Variants in HEATR1 observed in about 807,000 individuals in gnomAD.
HEATR1 encodes HEAT repeat containing 1, also known as HEAT repeat-containing protein 1.
HEATR1 carries 77 observed loss-of-function variants against 248.2 expected under a neutral mutation model. The observed-to-expected ratio is 0.31, with a 90% CI of 0.26 to 0.37. The LOEUF (loss-of-function observed/expected upper bound fraction) is 0.37. Ranked by LOEUF, HEATR1 falls within the 10% of genes least tolerant of loss-of-function variation. The probability of loss-of-function intolerance (pLI) is 1.00; values close to 1 mark genes in which losing one functional copy is unlikely to be tolerated. For missense variants in HEATR1, 2,420 were observed against 2,504.9 expected, an observed-to-expected ratio of 0.97 and a Z score of 0.72; for synonymous variants, 897 against 923.1, an observed-to-expected ratio of 0.97 and a Z score of 0.51.
At chr1:236,587,297 G>T (rs1320471337) in intron 14 of HEATR1, 105 bp downstream of exon 14, 1 of 453,916 alleles carries the variant, frequency 2.2e-6, no homozygotes, top group Non-Finnish European at 4.0e-6. Flanking sequence ...ACGACAAAAG[G>T]GTCATGTAAT....
chr1:236,552,316 G>A (rs1439982174), intron 43 of HEATR1: 2 of 368,802 alleles, frequency 5.4e-6, no homozygotes, highest in East Asian at 4.2e-5. Flanking sequence ...TATAAATAGT[G>A]TTTTCCAAAC....
At chr1:236,579,382 A>G (rs1572043896) in intron 20 of HEATR1, among the ~76,000 whole-genome samples, 1 of 152,286 alleles carries the variant, frequency 6.6e-6, no homozygotes, top group East Asian at 1.9e-4. Flanking sequence ...TCAAAATGAC[A>G]TATATGACTC....
chr1:236,598,850 C>T (rs911971265), intron 4 of HEATR1, among the ~76,000 whole-genome samples: 1 of 152,132 alleles, frequency 6.6e-6, no homozygotes, highest in African/African-American at 2.4e-5. Context: ...TAACAACATA[C>T]ATCTACTTTC....
intron 2 of HEATR1, among the ~76,000 whole-genome samples, 189 bp downstream of exon 2, chr1:236,603,765 C>A (rs997084825): frequency 6.6e-6 from 1 of 151,852 alleles, no homozygotes; most frequent in African/African-American, 2.4e-5. Flanking sequence ...GATACCTCTA[C>A]TCATAAACAT....
At chr1:236,603,568 G>A (rs17585446) in intron 2 of HEATR1, among the ~76,000 whole-genome samples, 192 bp from the exon 3 acceptor site, 4,311 of 149,386 alleles carry the variant, frequency 0.029, 79 homozygotes, top group Middle Eastern at 0.077. Flanking sequence ...TACTAGAACA[G>A]AAAGTACTTC....
intron 5 of HEATR1, 115 bp from the exon 6 acceptor site, chr1:236,597,091 C>T: frequency 2.5e-6 from 2 of 797,086 alleles, no homozygotes; most frequent in Non-Finnish European, 3.7e-6. Flanking sequence ...CACCACTGTA[C>T]TCTAGCCTGG....
intron 20 of HEATR1, among the ~76,000 whole-genome samples, chr1:236,580,964 C>CA (rs1248534596): frequency 2.0e-5 from 3 of 151,504 alleles, no homozygotes; most frequent in African/African-American, 7.3e-5. Context: ...GGATTACAGG[C>CA]ACATGCCACC....
chr1:236,603,837 T>C lies in HEATR1; in HGVS notation c.142+117A>G. 3.6e-6 allele frequency: 4 copies of C among 1,107,990 alleles called. No homozygotes were observed. The South Asian group carries it at 4.4e-5, about 12-fold the overall frequency. 68.6% of individuals were successfully genotyped at this position (1,107,990 alleles called of 1,614,324 possible). ...CCCTTAAAAATATACATCAACATGCTAGAAACTGCTAAGGAAGAGGACGGG... is the reference window on the plus strand; with the variant it reads ...CCCTTAAAAATATACATCAACATGCCAGAAACTGCTAAGGAAGAGGACGGG... On this transcript the variant is annotated intron_variant, in intron 2 of 44. Transcript: ENST00000366582.
chr1:236,601,716 A>G (rs1482122152), intron 3 of HEATR1, among the ~76,000 whole-genome samples: 1 of 152,184 alleles, frequency 6.6e-6, no homozygotes. Context: ...GCATGCCTGT[A>G]ATCCCAGCTA....
chr1:236,583,273 T>C lies in HEATR1; in HGVS notation c.2242-77A>G, dbSNP rs1169130720. 4.7e-6 allele frequency: 6 copies of C among 1,282,328 alleles called. No homozygotes were observed. In the East Asian group the frequency reaches 7.0e-5, roughly 15 times the overall value. The allele number at this position is 1,282,328 out of a possible 1,614,324, so 79.4% of individuals were successfully genotyped here. ...GGGTTATATGAATTCCTCTGCATAA[T>C]ATGCAAAAGTTTTGTTTATGTGTGC... On this transcript the variant is annotated intron_variant, in intron 17 of 44. Transcript: ENST00000366582.
Position 236,555,293 on chromosome 1 carries a change from C to T in HEATR1, c.5923+3G>A. ...TGACAGCTGAACTGAAGCGACCACC[C>T]ACCTGTTTTGGAGATGTTCACCTGG... On this transcript the variant is annotated splice_donor_region_variant and intron_variant, in intron 41 of 44. Transcript: ENST00000366582. 1 of 1,613,756 alleles carries T rather than the reference C, an allele frequency of 6.2e-7. No homozygotes were observed. The highest frequency in any genetic ancestry group is 8.5e-7 in the Non-Finnish European group (1 of 1,179,800).
At chr1:236,579,775 C>G (rs1023549159) in intron 20 of HEATR1, among the ~76,000 whole-genome samples, 1 of 152,042 alleles carries the variant, frequency 6.6e-6, no homozygotes, top group Non-Finnish European at 1.5e-5. Context: ...AATTACATAT[C>G]TACTTTAAAT....
In HEATR1 at chr1:236,572,768, A is replaced by G; in HGVS notation, c.3520T>C (p.Leu1174=). 6.2e-7 allele frequency: 1 copy of G among 1,614,016 alleles called. No individual in the cohort carries two copies. The highest frequency in any genetic ancestry group is 2.2e-5 in the East Asian group (1 of 44,872). Residue 1174 remains leucine, a synonymous_variant, in exon 25 of 45, where the codon TTG becomes CTG. Coordinates refer to ENST00000366582, the MANE Select transcript of HEATR1 (RefSeq NM_018072.6). ...CTTCTTTTTTGCTGAACTGTGCCCA[A>G]GGGTTTAGCTTTATCTGGTGGCTCC... is the stretch of plus-strand genomic sequence containing the variant. ...ELEPPDKAKP[L]GTVQQKRRQK...
At chr1:236,588,369 A>T (rs1014020397) in intron 12 of HEATR1, among the ~76,000 whole-genome samples, 1 of 152,260 alleles carries the variant, frequency 6.6e-6, no homozygotes. Context: ...CTAAAGAATA[A>T]GAATGTCTAA....
intron 29 of HEATR1, among the ~76,000 whole-genome samples, chr1:236,567,530 G>T (rs1663305755): frequency 6.6e-6 from 1 of 152,170 alleles, no homozygotes; most frequent in Admixed American, 6.5e-5. Context: ...GGCCAACATG[G>T]TTAAACCCAT....
intron 29 of HEATR1, 83 bp downstream of exon 29, chr1:236,568,913 A>AAT: frequency 1.0e-6 from 1 of 963,230 alleles, no homozygotes; most frequent in East Asian, 3.5e-5. Context: ...AAAAAAAACT[A>AAT]AAAAAAAGGC....
At chr1:236,561,410 T>G in intron 32 of HEATR1, 139 bp from the exon 33 acceptor site, 1 of 709,380 alleles carries the variant, frequency 1.4e-6, no homozygotes. Context: ...TTAATCAGGT[T>G]CATATCATCT....
rs141387127 is a variant in HEATR1 at position 236,588,879 on chromosome 1, G to A, written c.1531-836C>T. On this transcript the variant is annotated intron_variant, in intron 12 of 44. Coordinates refer to ENST00000366582, the MANE Select transcript of HEATR1 (RefSeq NM_018072.6). ...TAATCCCAGCTACTCTGGAGGCTGA[G>A]GTGGGAGGACTGCTTAAGCCCAGGA... Among the ~76,000 whole-genome samples, 709 of 152,328 alleles carry A rather than the reference G, an allele frequency of 4.7e-3. 6 individuals are homozygous for A. The highest frequency in any genetic ancestry group is 0.017 in the African/African-American group (688 of 41,564).
At position 236,554,641 on chromosome 1, in the gene HEATR1, C is replaced by T. The variant is rs142962546; in HGVS notation, c.6035G>A (p.Ser2012Asn). 83 of 1,613,126 alleles carry T rather than the reference C, an allele frequency of 5.1e-5. No individual in the cohort carries two copies. Among genetic ancestry groups the T allele is most frequent in the Middle Eastern group, 1.6e-4 (1 of 6,082 alleles). The change falls in exon 42 of 45, where the codon AGT (serine) becomes AAT (asparagine). Residue 2012 changes from serine (S) to asparagine (N), a missense_variant. Transcript: ENST00000366582. ...CATCAAGGCTTCTGCTCTCTCTTTACTTATAAAATGCTGGGTATCAAAAAG... is the reference window on the plus strand; with the variant it reads ...CATCAAGGCTTCTGCTCTCTCTTTATTTATAAAATGCTGGGTATCAAAAAG... ...IFLFDTQHFI[S>N]KERAEALMMP...
Sources: allele counts gnomAD v4.1 joint callset (sites outside exome capture counted in the v4.1 genomes callset), GRCh38; gene constraint gnomAD v4.1.1; transcripts MANE v1.5; gene names NCBI Gene and HGNC (gene_info 2026-07-23, HGNC 2026-07-21).